Variants in KCNC3 observed in about 807,000 individuals in gnomAD.
KCNC3 encodes the protein potassium voltage-gated channel subfamily C member 3.
KCNC3 carries 22 observed loss-of-function variants against 43.9 expected under a neutral mutation model. The ratio of observed to expected loss-of-function variants is 0.50; its 90% CI spans 0.36 to 0.72. KCNC3 has a LOEUF of 0.72. Among genes scored for constraint, KCNC3 ranks in the 30% least tolerant of loss-of-function variants. The probability of loss-of-function intolerance (pLI) is 0.00; values close to 1 mark genes in which losing one functional copy is unlikely to be tolerated. For missense variants in KCNC3, 829 were observed against 1,073.8 expected (o/e 0.77, Z 3.19); for synonymous variants, 492 against 488.0 (o/e 1.01, Z -0.11).
intron 4 of KCNC3, among the ~76,000 whole-genome samples, chr19:50,317,127 G>A (rs1294281750): frequency 6.6e-6 from 1 of 151,518 alleles, no homozygotes; most frequent in African/African-American, 2.4e-5. Flanking sequence ...AGGACTGGGA[G>A]TGGGTGCAAG....
upstream of KCNC3, among the ~76,000 whole-genome samples, chr19:50,332,863 T>C (rs1008718312): frequency 6.6e-6 from 1 of 151,860 alleles, no homozygotes; most frequent in African/African-American, 2.4e-5. The surrounding 1 kb of genome is among the most constrained non-coding windows in gnomAD (Gnocchi z 5.8). Context: ...CCTCCCCCAT[T>C]ACCCCAGGCC....
At chr19:50,333,201 C>G (rs2037206922), upstream of KCNC3, among the ~76,000 whole-genome samples, 1 of 152,074 alleles carries the variant, frequency 6.6e-6, no homozygotes. Flanking sequence ...CAAGTCGAGG[C>G]GAGGTGGGGA....
chr19:50,331,611 C>T (rs2123555055), upstream of KCNC3, among the ~76,000 whole-genome samples: 1 of 144,346 alleles, frequency 6.9e-6, no homozygotes, highest in African/African-American at 2.6e-5. Flanking sequence ...TGTATTTCCC[C>T]CTCCTTCTTC....
At chr19:50,331,808 T>C (rs1432958282), upstream of KCNC3, among the ~76,000 whole-genome samples, 1 of 152,002 alleles carries the variant, frequency 6.6e-6, no homozygotes, top group Middle Eastern at 3.2e-3. Flanking sequence ...GGTCTCTCTC[T>C]TTCTAGGTCT....
chr19:50,323,543 C>T lies in KCNC3; in HGVS notation c.1410G>A (p.Glu470=). The T allele has an allele frequency of 1.2e-6, 2 of 1,614,224 alleles. No individual in the cohort carries two copies. Among genetic ancestry groups the T allele is most frequent in the Non-Finnish European group, 1.7e-6 (2 of 1,180,042 alleles). Residue 470 remains glutamate (E), a synonymous_variant, in exon 2 of 5, where the codon GAG becomes GAA. Transcript: ENST00000477616. ...TGTCATCGGGGTCGGCGCCAATGCG[C>T]TCAGCGTAGTAAATCATGGTGGCGA... is the stretch of plus-strand genomic sequence containing the variant. ...LIFATMIYYA[E]RIGADPDDIL... is the part of the protein sequence containing the mutation.
Position 50,328,432 on chromosome 19 carries a change from T to C in KCNC3, c.651A>G (p.Ala217=). The change falls in exon 1 of 5, where the codon GCA becomes GCG. Residue 217 remains alanine, a synonymous_variant. Transcript: ENST00000477616. ...CGTCCAGGCCTCCGTCGTGGGCGCC[T>C]GCGGCGTTGGCGGCGTTGGCGGCGC... ...PAGAANAANA[A]GAHDGGLDDE... is the part of the protein sequence containing the mutation. 1 of 1,541,616 alleles carries C rather than the reference T, an allele frequency of 6.5e-7. No individual in the cohort carries two copies. The highest frequency in any genetic ancestry group is 2.0e-5 in the Admixed American group (1 of 49,412).
rs2036934300 is a variant in KCNC3, at chr19:50,315,343, C to A, written c.*772G>T. ...AGGTTGGTGCCCACCGAGCCTCCCC[C>A]GCCCCATTCCCACCACAGTCCACCG... On this transcript the variant is annotated 3_prime_UTR_variant, in exon 5 of 5. Transcript: ENST00000477616. Among the ~76,000 whole-genome samples the A allele has an allele frequency of 6.6e-6, 1 of 151,838 alleles. No individual in the cohort carries two copies. The highest frequency in any genetic ancestry group is 2.4e-5 in the African/African-American group (1 of 41,320).
rs2036914156 is a variant in KCNC3, at chr19:50,314,177, G to T, written c.*1938C>A. On this transcript the variant is annotated 3_prime_UTR_variant, in exon 5 of 5. Transcript: ENST00000477616. ...ATTCTCCTAAAGGCTGAGGGAGCAG[G>T]TCCAAAGCCCGCCCCGCCCTCCCAC... The T allele has an allele frequency of 6.6e-6, 1 of 152,112 alleles. No individual in the cohort carries two copies. Among genetic ancestry groups the T allele is most frequent in the African/African-American group, 2.4e-5 (1 of 41,362 alleles). The allele number at this position is 152,112 out of a possible 1,614,324, so 9.4% of individuals were successfully genotyped here.
chr19:50,324,528 G>A lies in KCNC3; in HGVS notation c.871-446C>T, dbSNP rs636567. The stretch of plus-strand genomic sequence containing the variant: ...GGCTTTAGGGCTCAGCTTGGAGCTG[G>A]GCAGACGGGAAGGGAGAAGGCGGGC... On this transcript the variant is annotated intron_variant, in intron 1 of 4. Coordinates refer to ENST00000477616, the MANE Select transcript of KCNC3 (RefSeq NM_004977.3). The surrounding 1 kb of genome is among the most constrained non-coding windows in gnomAD (Gnocchi z 4.1). 0.8 allele frequency among the ~76,000 whole-genome samples: 121,111 copies of A among 151,902 alleles called. 48,697 individuals are homozygous for A. The highest frequency in any genetic ancestry group is 0.97 in the East Asian group (5,004 of 5,134).
In KCNC3 at chr19:50,324,865, G is replaced by A. The variant is rs974499192; in HGVS notation, c.871-783C>T. Among the ~76,000 whole-genome samples the A allele has an allele frequency of 2.6e-5, 4 of 152,008 alleles. No individual in the cohort carries two copies. The highest frequency in any genetic ancestry group is 9.7e-5 in the African/African-American group (4 of 41,388). ...GGTGGTGCCACAGAGGGGAGGTGGG[G>A]GTCCGGGCCCTTAAGGGAGGAGGGG... On this transcript the variant is annotated intron_variant, in intron 1 of 4. Coordinates refer to ENST00000477616, the MANE Select transcript of KCNC3 (RefSeq NM_004977.3). This position sits in a 1 kb window ranked among gnomAD's most constrained non-coding sequence, Gnocchi z 4.1.
In KCNC3 at chr19:50,315,169, G is replaced by C. The variant is rs952168856; in HGVS notation, c.*946C>G. Among the ~76,000 whole-genome samples the C allele has an allele frequency of 1.3e-5, 2 of 152,136 alleles. No individual in the cohort carries two copies. The highest frequency in any genetic ancestry group is 4.8e-5 in the African/African-American group (2 of 41,404). On this transcript the variant is annotated 3_prime_UTR_variant, in exon 5 of 5. Transcript: ENST00000477616. ...CAAGACAGACAGAGTCAGGCAGACA[G>C]AGACACAAAAGGACGGATGACAAGA... is the stretch of plus-strand genomic sequence containing the variant.
At chr19:50,316,749 A>G (rs2123518237) in intron 4 of KCNC3, among the ~76,000 whole-genome samples, 1 of 151,170 alleles carries the variant, frequency 6.6e-6, no homozygotes, top group Admixed American at 6.6e-5. Flanking sequence ...AACAAAAACG[A>G]AAGGGTTGGG....
chr19:50,331,440 TTCATC>T (rs2037187821), upstream of KCNC3, among the ~76,000 whole-genome samples: 1 of 151,752 alleles, frequency 6.6e-6, no homozygotes, highest in African/African-American at 2.4e-5. Flanking sequence ...TCTCTGCCCT[TTCATC>T]TGAGTCTGTC....
intron 4 of KCNC3, among the ~76,000 whole-genome samples, chr19:50,318,560 A>T (rs1338223149): frequency 6.6e-6 from 1 of 152,154 alleles, no homozygotes; most frequent in Non-Finnish European, 1.5e-5. Context: ...CTCTTTGGCT[A>T]TAGGGGCTGT....
Position 50,323,372 on chromosome 19 carries a change from C to T in KCNC3, c.1581G>A (p.Gly527=). 6.2e-7 allele frequency: 1 copy of T among 1,614,158 alleles called. No individual in the cohort carries two copies. Among genetic ancestry groups the T allele is most frequent in the Non-Finnish European group, 8.5e-7 (1 of 1,180,030 alleles). The change falls in exon 2 of 5, where the codon GGG becomes GGA. Residue 527 remains glycine, a synonymous_variant. Coordinates refer to ENST00000477616, the MANE Select transcript of KCNC3 (RefSeq NM_004977.3). The part of the protein sequence containing the change: ...MLVGALCALA[G]VLTIAMPVPV... ...GCACAGGCATGGCGATGGTCAGCAC[C>T]CCCGCCAGGGCACACAGCGCCCCGA...
At position 50,329,021 on chromosome 19, in the gene KCNC3, G is replaced by A. The variant is rs1347390926; in HGVS notation, c.62C>T (p.Pro21Leu). 2.3e-6 allele frequency: 3 copies of A among 1,329,792 alleles called. No individual in the cohort carries two copies. The highest frequency in any genetic ancestry group is 2.9e-6 in the Non-Finnish European group (3 of 1,033,570). 82.4% of individuals were successfully genotyped at this position (1,329,792 alleles called of 1,614,324 possible). A position where few individuals can be genotyped will look rare whatever the true frequency, so the allele number is the denominator to read the frequency against. ...RGRQGASKQQ[P>L]APPPQPPESP... ...CTCGGGCGGCTGCGGCGGTGGCGCC[G>A]GCTGCTGCTTGCTGGCCCCCTGGCG... is the stretch of plus-strand genomic sequence containing the variant. Residue 21 changes from proline (P) to leucine (L), a missense_variant, in exon 1 of 5, where the codon CCG becomes CTG. Physicochemically the swap from Pro to Leu is moderately conservative, Grantham distance 98 (BLOSUM62 -3). Coordinates refer to ENST00000477616, the MANE Select transcript of KCNC3 (RefSeq NM_004977.3).
In KCNC3 at chr19:50,314,392, A is replaced by T. The variant is rs1568568312; in HGVS notation, c.*1723T>A. ...GCTGGAGACCTTAAAGGCCAGCCCG[A>T]CCCCCGGGAGGTGCCACCCCCTTCC... On this transcript the variant is annotated 3_prime_UTR_variant, in exon 5 of 5. Coordinates refer to ENST00000477616, the MANE Select transcript of KCNC3 (RefSeq NM_004977.3). 1 of 170,674 alleles carries T rather than the reference A, an allele frequency of 5.9e-6. No homozygotes were observed. The allele number at this position is 170,674 out of a possible 1,614,324, so 10.6% of individuals were successfully genotyped here. A position where few individuals can be genotyped will look rare whatever the true frequency, so the allele number is the denominator to read the frequency against.
Position 50,323,844 on chromosome 19 carries a change from C to G in KCNC3, c.1109G>C (p.Cys370Ser). 6.2e-7 allele frequency: 1 copy of G among 1,614,156 alleles called. No homozygotes were observed. The highest frequency in any genetic ancestry group is 1.6e-4 in the Middle Eastern group (1 of 6,062). Reference sequence around the variant, plus strand: ...TTTAAGAAACTCCACCTTGTCTGGGCAGAAGGTGATGCGCATGAGGAACTC... The same window carrying G: ...TTTAAGAAACTCCACCTTGTCTGGGGAGAAGGTGATGCGCATGAGGAACTC... ...TFEFLMRITF[C>S]PDKVEFLKSS... The change falls in exon 2 of 5, where the codon TGC (cysteine) becomes TCC (serine). Residue 370 changes from cysteine to serine, a missense_variant. Coordinates refer to ENST00000477616, the MANE Select transcript of KCNC3 (RefSeq NM_004977.3).
chr19:50,321,834 T>C (rs1356841508), intron 2 of KCNC3, among the ~76,000 whole-genome samples: 1 of 144,246 alleles, frequency 6.9e-6, no homozygotes, highest in Middle Eastern at 3.3e-3. Flanking sequence ...GGGGAGAAGA[T>C]GAGGCAGTGT....
Sources: allele counts gnomAD v4.1 joint callset (sites outside exome capture counted in the v4.1 genomes callset), GRCh38; gene constraint gnomAD v4.1.1; non-coding constraint Gnocchi (gnomAD v3.1); transcripts MANE v1.5; gene names NCBI Gene and HGNC (gene_info 2026-07-23, HGNC 2026-07-21).